The following SLC2A11 variants were observed in gnomAD, a reference collection of about 807,000 sequenced individuals.
The protein encoded by SLC2A11 is solute carrier family 2, facilitated glucose transporter member 11.
A neutral mutation model predicts 52.1 loss-of-function variants in SLC2A11; 43 were observed. The ratio of observed to expected loss-of-function variants is 0.82; its 90% confidence interval spans 0.65 to 1.06. SLC2A11 has a LOEUF of 1.06. Ranked by LOEUF, SLC2A11 falls within the 50% of genes least tolerant of loss-of-function variation. The pLI is 0.00. For synonymous variants in SLC2A11, 261 were observed against 277.6 expected (o/e 0.94, Z 0.59); for missense variants, 582 against 654.2 (o/e 0.89, Z 1.20).
chr22:23,860,603 G>A lies in SLC2A11; in HGVS notation c.31-1501G>A, dbSNP rs372357834. 3.8e-4 allele frequency among the ~76,000 whole-genome samples: 57 copies of A among 151,976 alleles called. No individual in the cohort carries two copies. The East Asian group carries it at 7.2e-3, about 19-fold the overall frequency. ...ACAAAAATTAGCTGGGTGTGGTGGT[G>A]CATGCCTGCAATCCCAGCTACTCGG... On this transcript the variant is annotated intron_variant, in intron 1 of 11. Transcript: ENST00000316185.
intron 8 of SLC2A11, chr22:23,883,507 A>G (rs1333532520): frequency 4.3e-6 from 2 of 461,522 alleles, no homozygotes; most frequent in African/African-American, 4.1e-5. Context: ...GTCTCAATCA[A>G]TCAATCAATG....
At chr22:23,861,747 T>G (rs958084229) in intron 1 of SLC2A11, among the ~76,000 whole-genome samples, 7 of 152,204 alleles carry the variant, frequency 4.6e-5, no homozygotes, top group Non-Finnish European at 1.0e-4. Flanking sequence ...AGGCAGAGCC[T>G]TACTCTACTG....
chr22:23,878,161 C>T (rs1321635464), intron 6 of SLC2A11, among the ~76,000 whole-genome samples: 2 of 152,244 alleles, frequency 1.3e-5, no homozygotes, highest in Non-Finnish European at 2.9e-5. Context: ...TGCAAGACCT[C>T]ACCTACCCAG....
Position 23,877,157 on chromosome 22 carries a change from G to T in SLC2A11, c.531G>T (p.Gln177His), listed in dbSNP as rs778788203. The part of the protein sequence containing the change: ...IFTALGIVMG[Q>H]VVGLRELLGG... ...CGGCTCTGGGGATCGTGATGGGACA[G>T]GTGGTCGGACTCAGGTAAGCACCCC... The change falls in exon 5 of 12, where the codon CAG becomes CAT. Residue 177 changes from glutamine to histidine, a missense_variant. Transcript: ENST00000316185. 15 of 1,611,640 alleles carry T rather than the reference G, an allele frequency of 9.3e-6. No individual in the cohort carries two copies. Among genetic ancestry groups the T allele is most frequent in the African/African-American group, 1.3e-5 (1 of 74,864 alleles).
rs2032926976 is a variant in SLC2A11, at chr22:23,884,280, CT to C, written c.1172-21del. On this transcript the variant is annotated intron_variant, in intron 10 of 11. Coordinates refer to ENST00000316185, the MANE Select transcript of SLC2A11 (RefSeq NM_001024939.4). The surrounding 1 kb of genome is among the most constrained non-coding windows in gnomAD (Gnocchi z 4.3). ...GCAGGGAACCCTGGCCAGCAGCCCC[CT>C]GTCCCTGCCCCTCCTTCTAGCCGGA... 2 of 1,606,736 alleles carry C rather than the reference CT, an allele frequency of 1.2e-6. No individual in the cohort carries two copies. The highest frequency in any genetic ancestry group is 1.7e-6 in the Non-Finnish European group (2 of 1,175,696).
Position 23,862,107 on chromosome 22 carries a change from C to G in SLC2A11, c.34C>G (p.Gln12Glu). The G allele has an allele frequency of 1.2e-6, 2 of 1,614,014 alleles. No individual in the cohort carries two copies. The highest frequency in any genetic ancestry group is 1.7e-6 in the Non-Finnish European group (2 of 1,179,876). The change falls in exon 2 of 12, where the codon CAG (glutamine) becomes GAG (glutamate). Residue 12 changes from glutamine to glutamate, a missense_variant. Gln to Glu is a conservative substitution (Grantham distance 29, BLOSUM62 2). Coordinates refer to ENST00000316185, the MANE Select transcript of SLC2A11 (RefSeq NM_001024939.4). The stretch of plus-strand genomic sequence containing the variant: ...GTGTTCTCTCCTCTCTCCTCAGATT[C>G]AGGGCAGGATCCTGCTCCTGACCAT... Reference protein sequence around the residue: ...LHALLRSRMIQGRILLLTICA... With the variant: ...LHALLRSRMIEGRILLLTICA...
chr22:23,879,313 T>C (rs1029696423), intron 6 of SLC2A11, among the ~76,000 whole-genome samples: 5 of 152,106 alleles, frequency 3.3e-5, no homozygotes, highest in African/African-American at 9.7e-5. Context: ...CAGGCTGGAG[T>C]GGTGTGATCT....
At chr22:23,877,306 C>G (rs1014033911) in intron 5 of SLC2A11, 135 bp downstream of exon 5, 4 of 1,436,612 alleles carry the variant, frequency 2.8e-6, no homozygotes, top group Non-Finnish European at 3.9e-6. Flanking sequence ...ATCCTCTATC[C>G]ACATCTCTGC....
In SLC2A11 at chr22:23,878,156, G is replaced by A. The variant is rs531205582; in HGVS notation, c.694+287G>A. On this transcript the variant is annotated intron_variant, in intron 6 of 11. Transcript: ENST00000316185. ...CACACACGGTGAAACACCTGTGCAAGACCTCACCTACCCAGTGCCAACTGG... is the reference window on the plus strand; with the variant it reads ...CACACACGGTGAAACACCTGTGCAAAACCTCACCTACCCAGTGCCAACTGG... 3.7e-4 allele frequency among the ~76,000 whole-genome samples: 57 copies of A among 152,316 alleles called. 1 individual carries two copies. Among genetic ancestry groups the A allele is most frequent in the Admixed American group, 3.3e-3 (51 of 15,298 alleles).
At position 23,882,672 on chromosome 22, in the gene SLC2A11, C is replaced by T. The variant is rs769072131; in HGVS notation, c.882+26C>T. On this transcript the variant is annotated intron_variant, in intron 7 of 11. Transcript: ENST00000316185. Reference sequence around the variant, plus strand: ...GTGAGACCCCTGCCCCGCCGCACACCCTGGGCCCCGGGGGCTTGGTGTTGC... The same window carrying T: ...GTGAGACCCCTGCCCCGCCGCACACTCTGGGCCCCGGGGGCTTGGTGTTGC... 3.1e-6 allele frequency: 5 copies of T among 1,607,960 alleles called. No homozygotes were observed. The South Asian group carries it at 5.5e-5, about 18-fold the overall frequency.
intron 4 of SLC2A11, 137 bp from the exon 5 acceptor site, chr22:23,876,905 G>A (rs1242197534): frequency 3.7e-6 from 5 of 1,345,386 alleles, no homozygotes; most frequent in East Asian, 2.3e-5. Context: ...AGTGTGGGGG[G>A]TGAGGGATCA....
intron 3 of SLC2A11, among the ~76,000 whole-genome samples, chr22:23,874,513 G>A (rs1425914637): frequency 1.3e-5 from 2 of 151,396 alleles, no homozygotes; most frequent in Non-Finnish European, 2.9e-5. Context: ...GTGCAATGGC[G>A]CAATCTTGGC....
chr22:23,883,419 C>T (rs989502267), intron 8 of SLC2A11: 3 of 348,298 alleles, frequency 8.6e-6, no homozygotes, highest in East Asian at 6.3e-5. Context: ...TGCAGTAAAC[C>T]GAGATTGTGC....
intron 4 of SLC2A11, 37 bp from the exon 5 acceptor site, chr22:23,877,005 C>T (rs768821949): frequency 1.2e-6 from 2 of 1,613,362 alleles, no homozygotes; most frequent in Admixed American, 1.7e-5. Flanking sequence ...GGGGTCCCAG[C>T]TGGTGGCTGA....
chr22:23,884,800 A>G lies in SLC2A11; in HGVS notation c.1451A>G (p.Gln484Arg). The G allele has an allele frequency of 6.2e-7, 1 of 1,614,192 alleles. No individual in the cohort carries two copies. ...AGACTCAACTTCCCCAGGCGGGCCC[A>G]GGGCCCCACGTGGAGGAGCCTGGAG... ...LHRLNFPRRAQGPTWRSLEVI... is the reference protein window; with the variant it reads ...LHRLNFPRRARGPTWRSLEVI... The change falls in exon 12 of 12, where the codon CAG becomes CGG. Residue 484 changes from glutamine (Q) to arginine (R), a missense_variant. Physicochemically the swap from Gln to Arg is conservative, Grantham distance 43. Coordinates refer to ENST00000316185, the MANE Select transcript of SLC2A11 (RefSeq NM_001024939.4). This position sits in a 1 kb window ranked among gnomAD's most constrained non-coding sequence, Gnocchi z 4.3.
In SLC2A11 at chr22:23,861,306, A is replaced by G. The variant is rs892058187; in HGVS notation, c.31-798A>G. ...ACTCAGTCTCAAAAAAAAAAAAAAAAAAAAAAAAAGAAAATCCCAACTATC... is the reference window on the plus strand; with the variant it reads ...ACTCAGTCTCAAAAAAAAAAAAAAAGAAAAAAAAAGAAAATCCCAACTATC... On this transcript the variant is annotated intron_variant, in intron 1 of 11. Transcript: ENST00000316185. Among the ~76,000 whole-genome samples the G allele has an allele frequency of 1.9e-3, 210 of 110,042 alleles. 1 individual carries two copies. The highest frequency in any genetic ancestry group is 2.5e-3 in the Non-Finnish European group (133 of 54,196). 72.2% of individuals were successfully genotyped at this position (110,042 alleles called of 152,430 possible). A position where few individuals can be genotyped will look rare whatever the true frequency, so the allele number is the denominator to read the frequency against.
intron 1 of SLC2A11, among the ~76,000 whole-genome samples, chr22:23,858,983 T>C (rs1055200417): frequency 6.6e-6 from 1 of 152,216 alleles, no homozygotes; most frequent in African/African-American, 2.4e-5. Context: ...GTCCCTATCG[T>C]AGCTAATGTC....
At chr22:23,878,173 GC>G (rs1405723513) in intron 6 of SLC2A11, among the ~76,000 whole-genome samples, 1 of 152,210 alleles carries the variant, frequency 6.6e-6, no homozygotes, top group Non-Finnish European at 1.5e-5. Flanking sequence ...CCTACCCAGT[GC>G]CAACTGGGTG....
At chr22:23,875,463 G>A (rs2032588064) in intron 4 of SLC2A11, among the ~76,000 whole-genome samples, 1 of 152,174 alleles carries the variant, frequency 6.6e-6, no homozygotes, top group South Asian at 2.1e-4. Context: ...AAGTTGTGTA[G>A]GGGTGGGGGA....
Sources: gnomAD v4.1 joint callset for allele counts (sites outside exome capture counted in the v4.1 genomes callset) on GRCh38, gnomAD v4.1.1 for gene constraint, Gnocchi (gnomAD v3.1) non-coding constraint, MANE v1.5 for transcripts, NCBI Gene and HGNC (gene_info 2026-07-23, HGNC 2026-07-21) for gene names.